Variants in SDK1 observed in about 807,000 individuals in gnomAD.
SDK1 encodes the protein protein sidekick-1.
A neutral mutation model predicts 245.5 loss-of-function variants in SDK1; 157 were observed. That is an observed-to-expected ratio of 0.64 (90% CI 0.56 to 0.73). The LOEUF is 0.73. Among genes scored for constraint, SDK1 ranks in the 30% least tolerant of loss-of-function variants. The probability of loss-of-function intolerance (pLI) is 0.00; values close to 1 mark genes in which losing one functional copy is unlikely to be tolerated. For synonymous variants in SDK1, 1,647 were observed against 1,278.5 expected (o/e 1.29, Z -6.15); for missense variants, 3,583 against 3,002.3 (o/e 1.19, Z -4.52).
At chr7:3,709,511 C>A (rs1297254827) in intron 4 of SDK1, among the ~76,000 whole-genome samples, 1 of 152,218 alleles carries the variant, frequency 6.6e-6, no homozygotes, top group African/African-American at 2.4e-5. Context: ...ACTCACAGTT[C>A]TTCACCTGGC....
chr7:3,967,583 C>G, intron 10 of SDK1, 149 bp downstream of exon 10: 2 of 618,066 alleles, frequency 3.2e-6, no homozygotes, highest in South Asian at 2.0e-5. Flanking sequence ...AGTCCCCAAC[C>G]TTTTTGGCAC....
intron 1 of SDK1, chr7:3,337,799 G>A (rs1275973653): frequency 6.6e-6 from 1 of 152,166 alleles, no homozygotes; most frequent in Non-Finnish European, 1.5e-5. Context: ...CAACAAAAAT[G>A]TCTTTCAGGA....
intron 13 of SDK1, among the ~76,000 whole-genome samples, chr7:3,980,362 T>A (rs1360767705): frequency 6.6e-6 from 1 of 152,222 alleles, no homozygotes; most frequent in Admixed American, 6.5e-5. Flanking sequence ...GTTTTCCCCC[T>A]ATTCTCTTTC....
intron 5 of SDK1, among the ~76,000 whole-genome samples, chr7:3,917,915 G>T (rs770748238): frequency 3.0e-4 from 46 of 152,112 alleles, no homozygotes; most frequent in Non-Finnish European, 5.3e-4. Flanking sequence ...GGAAGATTTG[G>T]GGCTCAGGGA....
At chr7:3,672,392 C>T (rs1027657417) in intron 4 of SDK1, among the ~76,000 whole-genome samples, 2 of 151,338 alleles carry the variant, frequency 1.3e-5, no homozygotes, top group African/African-American at 4.9e-5. Flanking sequence ...GGTAAGCCAA[C>T]ATGAAAGATG....
In SDK1 at chr7:4,221,267, GGTCACCAAGTCCGCCTCTGAACT is replaced by G; in HGVS notation, c.5732_5754del (p.Val1911AspfsTer6). ...CCCCGGGCTCGCCTAGAGATGTCCT[GGTCACCAAGTCCGCCTCTGAACT>G]GACGCTGCAGTGGACTGAGGGACAC... is the stretch of plus-strand genomic sequence containing the variant. On this transcript the variant is annotated frameshift_variant, in exon 40 of 45. Coordinates refer to ENST00000404826, the MANE Select transcript of SDK1 (RefSeq NM_152744.4). LOFTEE classifies it high-confidence loss of function. 6.2e-7 allele frequency: 1 copy of G among 1,613,758 alleles called. No individual in the cohort carries two copies. Among genetic ancestry groups the G allele is most frequent in the Non-Finnish European group, 8.5e-7 (1 of 1,179,986 alleles).
rs1380058654 is a variant in SDK1, at chr7:3,301,557, G to A, written c.-30G>A. ...CCTGTCCTGCCCGCCCGTCCGTCCG[G>A]CGCGGCGCTCGGGGTGGCGGCTGCT... On this transcript the variant is annotated 5_prime_UTR_variant, in exon 1 of 45. Coordinates refer to ENST00000404826, the MANE Select transcript of SDK1 (RefSeq NM_152744.4). The A allele has an allele frequency of 1.2e-6, 1 of 833,210 alleles. No individual in the cohort carries two copies. The highest frequency in any genetic ancestry group is 1.4e-6 in the Non-Finnish European group (1 of 694,960). 51.6% of individuals were successfully genotyped at this position (833,210 alleles called of 1,614,324 possible).
At chr7:3,423,664 G>T (rs1354910916) in intron 1 of SDK1, among the ~76,000 whole-genome samples, 1 of 151,598 alleles carries the variant, frequency 6.6e-6, no homozygotes, top group East Asian at 1.9e-4. Context: ...TAACTCAGTA[G>T]TCTCTAAACT....
chr7:3,308,615 T>C (rs150687321), intron 1 of SDK1, among the ~76,000 whole-genome samples: 293 of 152,228 alleles, frequency 1.9e-3, no homozygotes, highest in African/African-American at 6.5e-3. Flanking sequence ...AAGACTATAG[T>C]TTCTGCAGTG....
chr7:4,110,586 G>T, intron 22 of SDK1, 77 bp from the exon 23 acceptor site: 1 of 1,019,612 alleles, frequency 9.8e-7, no homozygotes, highest in South Asian at 1.3e-5. Flanking sequence ...CCAGGTACCA[G>T]CAGGTGCACA....
At chr7:4,031,543 AAAG>A (rs1787818176) in intron 17 of SDK1, among the ~76,000 whole-genome samples, 1 of 150,472 alleles carries the variant, frequency 6.6e-6, no homozygotes, top group African/African-American at 2.5e-5. Context: ...ACATATCAAA[AAAG>A]AGAGAAAACA....
rs185849422 is a variant in SDK1, at chr7:4,174,100, G to A, written c.4801-122G>A. The A allele has an allele frequency of 5.5e-4, 573 of 1,050,232 alleles. 3 individuals carry two copies. Among genetic ancestry groups the A allele is most frequent in the Middle Eastern group, 3.3e-3 (13 of 3,904 alleles). The allele number at this position is 1,050,232 out of a possible 1,614,324, so 65.1% of individuals were successfully genotyped here. A position where few individuals can be genotyped will look rare whatever the true frequency, so the allele number is the denominator to read the frequency against. On this transcript the variant is annotated intron_variant, in intron 32 of 44. Transcript: ENST00000404826. ...CGTCTTGATGAATCTGACACCTGTC[G>A]CTGGAACCCACGACTTTCTTCTGTG... is the stretch of plus-strand genomic sequence containing the variant.
chr7:3,837,916 T>C (rs1780062490), intron 5 of SDK1, among the ~76,000 whole-genome samples: 1 of 152,188 alleles, frequency 6.6e-6, no homozygotes, highest in African/African-American at 2.4e-5. Context: ...TTGAGCTTTA[T>C]TCGCTCCTGG....
chr7:3,965,191 C>T (rs1486624947), intron 9 of SDK1, among the ~76,000 whole-genome samples: 1 of 152,148 alleles, frequency 6.6e-6, no homozygotes, highest in African/African-American at 2.4e-5. Flanking sequence ...ACTTTATTTA[C>T]AAACACAGGG....
rs1171676510 is a variant in SDK1 at position 4,265,868 on chromosome 7, G to A, written c.*484G>A. On this transcript the variant is annotated 3_prime_UTR_variant, in exon 45 of 45. Coordinates refer to ENST00000404826, the MANE Select transcript of SDK1 (RefSeq NM_152744.4). Reference sequence around the variant, plus strand: ...CAGGACATCCTCGGCGGCTCCTGGGGTTTGAAGAGCAAACGTTTTTCCCTG... The same window carrying A: ...CAGGACATCCTCGGCGGCTCCTGGGATTTGAAGAGCAAACGTTTTTCCCTG... 23 of 988,212 alleles carry A rather than the reference G, an allele frequency of 2.3e-5. No homozygotes were observed. Among genetic ancestry groups the A allele is most frequent in the South Asian group, 1.4e-4 (3 of 21,358 alleles). The allele number at this position is 988,212 out of a possible 1,614,324, so 61.2% of individuals were successfully genotyped here.
chr7:3,957,839 A>G (rs1781392235), intron 7 of SDK1, among the ~76,000 whole-genome samples: 1 of 152,228 alleles, frequency 6.6e-6, no homozygotes, highest in Non-Finnish European at 1.5e-5. Flanking sequence ...ACTTAAGTAG[A>G]GGAATCTGCT....
intron 22 of SDK1, among the ~76,000 whole-genome samples, chr7:4,083,014 A>G (rs140702851): frequency 6.6e-6 from 1 of 152,358 alleles, no homozygotes; most frequent in East Asian, 1.9e-4. Flanking sequence ...TGATAAAAGT[A>G]GGATTCACGC....
At chr7:4,168,180 T>C (rs1781613416) in intron 32 of SDK1, among the ~76,000 whole-genome samples, 1 of 152,202 alleles carries the variant, frequency 6.6e-6, no homozygotes, top group South Asian at 2.1e-4. Context: ...TGCCAGCTGC[T>C]GCCTTCAAGG....
chr7:4,139,681 G>A (rs71524027), intron 28 of SDK1, among the ~76,000 whole-genome samples: 1 of 113,398 alleles, frequency 8.8e-6, no homozygotes, highest in African/African-American at 4.2e-5. Context: ...GTGTATATGT[G>A]TGTGTGTGTA....
Sources: allele counts gnomAD v4.1 joint callset (sites outside exome capture counted in the v4.1 genomes callset), GRCh38; gene constraint gnomAD v4.1.1; transcripts MANE v1.5; gene names NCBI Gene and HGNC (gene_info 2026-07-23, HGNC 2026-07-21).